Variants in PAGE2B observed in about 807,000 individuals in gnomAD.
PAGE2B encodes the protein putative G antigen family E member 3.
A neutral mutation model predicts 7.6 loss-of-function variants in PAGE2B; 5 were observed. The ratio of observed to expected loss-of-function variants is 0.66; its 90% confidence interval spans 0.34 to 1.38. The LOEUF (loss-of-function observed/expected upper bound fraction) is 1.38, where lower values mean the gene tolerates loss of function less well. Ranked by LOEUF, PAGE2B falls within the 40% of genes most tolerant of loss-of-function variation. PAGE2B has a pLI of 0.04. For synonymous variants in PAGE2B, 29 were observed against 26.7 expected (o/e 1.09, Z -0.27); for missense variants, 70 against 78.4 (o/e 0.89, Z 0.41).
At chrX:55,032,968 C>T in the PAGE2B span, among the ~76,000 whole-genome samples, 2 of 111,688 alleles carry the variant, frequency 1.8e-5, no homozygotes, top group African/African-American at 3.3e-5. Context: ...GTCATCACTT[C>T]TGGGAGGCCC....
chrX:55,068,829 GCT>G, the PAGE2B span, among the ~76,000 whole-genome samples: 3 of 111,332 alleles, frequency 2.7e-5, no homozygotes, highest in African/African-American at 9.8e-5. Flanking sequence ...TCATGATTTG[GCT>G]CTCTGTTTGT....
At chrX:55,063,462 C>T in the PAGE2B span, among the ~76,000 whole-genome samples, 2 of 111,038 alleles carry the variant, frequency 1.8e-5, no homozygotes, top group South Asian at 3.8e-4. Context: ...TTAGTTTTCT[C>T]GTGGAGCCTT....
chrX:55,042,653 CAAAAAAAAAAAAAAAAAAAAAAA>C, the PAGE2B span, among the ~76,000 whole-genome samples: 5 of 11,857 alleles, frequency 4.2e-4, no homozygotes, highest in African/African-American at 2.2e-3. Flanking sequence ...GACTCCGTCT[CAAAAAAAAAAAAAAAAAAAAAAA>C]AAAAAAAAAA....
chrX:55,046,155 C>T, the PAGE2B span, among the ~76,000 whole-genome samples: 6 of 111,373 alleles, frequency 5.4e-5, no homozygotes, highest in Non-Finnish European at 9.4e-5. Flanking sequence ...ATACTGTCGC[C>T]TGGGCTGGAG....
chrX:55,063,560 CTT>C, the PAGE2B span, among the ~76,000 whole-genome samples: 1 of 110,861 alleles, frequency 9.0e-6, no homozygotes, highest in African/African-American at 3.3e-5. Flanking sequence ...TTATTTCTCT[CTT>C]GTCTGATTGC....
the PAGE2B span, among the ~76,000 whole-genome samples, chrX:55,032,480 G>A: frequency 9.0e-6 from 1 of 110,552 alleles, no homozygotes; most frequent in East Asian, 2.8e-4. Context: ...TTGGGGGTGG[G>A]TTGGCAGTAA....
chrX:55,057,067 T>C, the PAGE2B span, among the ~76,000 whole-genome samples: 3 of 111,444 alleles, frequency 2.7e-5, no homozygotes, highest in African/African-American at 9.8e-5. Flanking sequence ...ACAGGTGGGA[T>C]TAATTTTACT....
the PAGE2B span, among the ~76,000 whole-genome samples, chrX:55,040,045 CTT>C: frequency 6.0e-5 from 6 of 99,540 alleles, no homozygotes; most frequent in African/African-American, 3.6e-5. Context: ...TCAATATTTT[CTT>C]TTTTTTTTTT....
chrX:55,043,338 G>A, the PAGE2B span, among the ~76,000 whole-genome samples: 1 of 111,697 alleles, frequency 9.0e-6, no homozygotes, highest in African/African-American at 3.3e-5. Flanking sequence ...ATAAATAGAT[G>A]CAACTTAATT....
chrX:55,049,241 C>T, the PAGE2B span, among the ~76,000 whole-genome samples: 2 of 111,529 alleles, frequency 1.8e-5, no homozygotes, highest in African/African-American at 6.5e-5. Flanking sequence ...CATCAATGTT[C>T]ATCAGGGATA....
At chrX:55,028,250 C>T in the PAGE2B span, among the ~76,000 whole-genome samples, 1 of 111,030 alleles carries the variant, frequency 9.0e-6, no homozygotes, top group African/African-American at 3.3e-5. Flanking sequence ...ACTCCCCAAG[C>T]TGAGACCAGG....
chrX:55,028,330 TTGG>T, the PAGE2B span, among the ~76,000 whole-genome samples: 2 of 110,921 alleles, frequency 1.8e-5, no homozygotes, highest in Non-Finnish European at 3.8e-5. Context: ...GCCCTGGCTA[TTGG>T]TGGTAAGAAA....
the PAGE2B span, among the ~76,000 whole-genome samples, chrX:55,029,307 A>G: frequency 9.0e-6 from 1 of 111,400 alleles, no homozygotes; most frequent in Non-Finnish European, 1.9e-5. Context: ...AGATAATTTC[A>G]TAGATTCCGC....
Position 55,076,634 on chromosome X carries a change from A to G in PAGE2B, c.150A>G (p.Ala50=). ...EEPPTDNQGI[A]PSGEIENEGA... ...CACCAACTGATAATCAGGGTATTGC[A>G]CCTAGTGGGGAGATCGAAAATGAAG... The change falls in exon 3 of 5, where the codon GCA becomes GCG. Residue 50 remains alanine, a synonymous_variant. Transcript: ENST00000374971. 8.3e-7 allele frequency: 1 copy of G among 1,208,079 alleles called. No individual in the cohort carries two copies. Among genetic ancestry groups the G allele is most frequent in the Non-Finnish European group, 1.1e-6 (1 of 894,085 alleles).
chrX:55,048,479 A>C, the PAGE2B span, among the ~76,000 whole-genome samples: 25 of 111,180 alleles, frequency 2.2e-4, no homozygotes, highest in African/African-American at 7.5e-4. Flanking sequence ...CTTTTATTTC[A>C]TTGAGCAGTG....
intron 3 of PAGE2B, 143 bp from the exon 4 acceptor site, chrX:55,077,256 T>A: frequency 9.6e-7 from 1 of 1,036,470 alleles, no homozygotes; most frequent in Non-Finnish European, 1.3e-6. Context: ...ACATCTCTGC[T>A]TTCCTGTTTT....
the PAGE2B span, among the ~76,000 whole-genome samples, chrX:55,039,898 A>G: frequency 3.6e-5 from 4 of 112,004 alleles, no homozygotes; most frequent in East Asian, 8.4e-4. Flanking sequence ...CCATTTGCCA[A>G]TGGACCATGC....
At chrX:55,052,453 C>T in the PAGE2B span, among the ~76,000 whole-genome samples, 1,839 of 112,515 alleles carry the variant, frequency 0.016, 16 homozygotes, top group Non-Finnish European at 0.025. Context: ...GTGGTGGGCC[C>T]CACCCAGTTC....
At chrX:55,044,768 G>C in the PAGE2B span, 3 of 111,517 alleles carry the variant, frequency 2.7e-5, no homozygotes, top group Non-Finnish European at 5.7e-5. Context: ...GATTAATAAG[G>C]TTGTCCTGGT....
Sources: allele counts gnomAD v4.1 joint callset (sites outside exome capture counted in the v4.1 genomes callset), GRCh38; gene constraint gnomAD v4.1.1; transcripts MANE v1.5; gene names NCBI Gene and HGNC (gene_info 2026-07-23, HGNC 2026-07-21).